Variants in TUT7 observed in about 807,000 individuals in gnomAD.
TUT7 encodes terminal uridylyl transferase 7, also known as terminal uridylyltransferase 7.
TUT7 carries 33 observed loss-of-function variants against 165.9 expected under a neutral mutation model. The observed-to-expected ratio is 0.20, with a 90% CI of 0.15 to 0.27. The LOEUF is 0.27. TUT7 is among the 10% of genes least tolerant of loss of function. TUT7 has a pLI of 1.00. For missense variants in TUT7, 1,338 were observed against 1,762.3 expected, an observed-to-expected ratio of 0.76 and a Z score of 4.31; for synonymous variants, 552 against 608.1, an observed-to-expected ratio of 0.91 and a Z score of 1.36.
intron 26 of TUT7, among the ~76,000 whole-genome samples, chr9:86,297,445 T>C (rs1051825686): frequency 4.6e-5 from 7 of 152,256 alleles, no homozygotes; most frequent in African/African-American, 1.7e-4. Flanking sequence ...AACACTATGC[T>C]ACGTTATTCT....
rs1196076859 is a variant in TUT7 at position 86,301,837 on chromosome 9, C to T, written c.4095-236G>A. The T allele has an allele frequency of 5.1e-6, 5 of 985,286 alleles. No individual in the cohort carries two copies. The East Asian group carries it at 4.5e-4, about 89-fold the overall frequency. The allele number at this position is 985,286 out of a possible 1,614,324, so 61.0% of individuals were successfully genotyped here. Reference sequence around the variant, plus strand: ...TCAAAGTTGCTCTAGTGCTGTAAAACCAATGACTGCAATTAGTGGCACTCC... The same window carrying T: ...TCAAAGTTGCTCTAGTGCTGTAAAATCAATGACTGCAATTAGTGGCACTCC... On this transcript the variant is annotated intron_variant, in intron 25 of 26. Transcript: ENST00000375963.
chr9:86,319,778 A>T (rs963838546), intron 14 of TUT7, 108 bp from the exon 15 acceptor site: 1 of 738,122 alleles, frequency 1.4e-6, no homozygotes, highest in Admixed American at 2.9e-5. Context: ...GCTTAAATTT[A>T]AAAATTCCTA....
intron 26 of TUT7, among the ~76,000 whole-genome samples, chr9:86,297,921 C>CTTTTTTTTTTTTTTTTTTTTTT (rs59651352): frequency 1.2e-5 from 1 of 86,504 alleles, no homozygotes; most frequent in African/African-American, 5.5e-5. Context: ...GCCTGCTCCA[C>CTTTTTTTTTTTTTTTTTTTTTT]TTTTTTTTTT....
In TUT7 at chr9:86,298,042, AAC is replaced by A. The variant is rs1254193515; in HGVS notation, c.4420+3232_4420+3233del. On this transcript the variant is annotated intron_variant, in intron 26 of 26. Transcript: ENST00000375963. ...TTTCCATCTCTGAGTTTACCAGTCT[AAC>A]ACCAATTTCCCCCGACTGGCCCCTT... Among the ~76,000 whole-genome samples, 4 of 151,214 alleles carry A rather than the reference AAC, an allele frequency of 2.6e-5. No homozygotes were observed. The East Asian group carries it at 7.9e-4, about 30-fold the overall frequency.
At chr9:86,307,235 T>C (rs1827593338) in intron 22 of TUT7, among the ~76,000 whole-genome samples, 4 of 151,884 alleles carry the variant, frequency 2.6e-5, no homozygotes, top group East Asian at 1.9e-4. Context: ...GATTGCGCCA[T>C]TGCATTCCAG....
intron 1 of TUT7, among the ~76,000 whole-genome samples, chr9:86,353,477 A>G (rs1160310776): frequency 3.9e-5 from 6 of 152,202 alleles, no homozygotes; most frequent in Non-Finnish European, 7.3e-5. Context: ...AAATGTGTGA[A>G]TAAGAGAAGC....
intron 18 of TUT7, among the ~76,000 whole-genome samples, chr9:86,310,263 T>A (rs1291997232): frequency 2.0e-5 from 3 of 152,110 alleles, no homozygotes; most frequent in Non-Finnish European, 4.4e-5. Flanking sequence ...AGGTTTACAG[T>A]CTGATTCATT....
rs557003455 is a variant in TUT7 at position 86,296,049 on chromosome 9, C to T, written c.4420+5227G>A. ...CTCTACATACTTATGTTAAAAATTT[C>T]CATTATTTGTTTGTCCTATAAGTTA... On this transcript the variant is annotated intron_variant, in intron 26 of 26. Transcript: ENST00000375963. 3.3e-5 allele frequency among the ~76,000 whole-genome samples: 5 copies of T among 152,212 alleles called. No individual in the cohort carries two copies. The South Asian group carries it at 1.0e-3, about 32-fold the overall frequency.
rs762500955 is a variant in TUT7, at chr9:86,338,800, A to G, written c.1335+23T>C. The G allele has an allele frequency of 1.9e-6, 3 of 1,572,842 alleles. No individual in the cohort carries two copies. The South Asian group carries it at 3.6e-5, about 19-fold the overall frequency. On this transcript the variant is annotated intron_variant, in intron 9 of 26. Transcript: ENST00000375963. ...GCTTATACATATGTAGAATGTATTC[A>G]TGCATAAAGACCTCAAGCCTACCTT...
Position 86,301,565 on chromosome 9 carries a change from G to A in TUT7, c.4131C>T (p.Asn1377=), listed in dbSNP as rs764954725. The A allele has an allele frequency of 6.2e-7, 1 of 1,613,048 alleles. No homozygotes were observed. The highest frequency in any genetic ancestry group is 8.5e-7 in the Non-Finnish European group (1 of 1,179,848). The part of the protein sequence containing the change: ...RRRRDQEDAL[N]QRYPENKEKR... ...TTTCCTTGTTCTCAGGGTATCTTTGGTTCAGGGCATCTTCCTGATCTCGCC... is the reference window on the plus strand; with the variant it reads ...TTTCCTTGTTCTCAGGGTATCTTTGATTCAGGGCATCTTCCTGATCTCGCC... The change falls in exon 26 of 27, where the codon AAC becomes AAT. Residue 1377 remains asparagine (N), a synonymous_variant. Coordinates refer to ENST00000375963, the MANE Select transcript of TUT7 (RefSeq NM_024617.4).
intron 4 of TUT7, 125 bp from the exon 5 acceptor site, chr9:86,345,279 T>TA: frequency 1.1e-6 from 1 of 882,834 alleles, no homozygotes; most frequent in Non-Finnish European, 1.7e-6. Context: ...TTAGCTGTGT[T>TA]AGTTTTCATC....
intron 26 of TUT7, among the ~76,000 whole-genome samples, chr9:86,294,484 G>A (rs1175234306): frequency 6.6e-6 from 1 of 151,728 alleles, no homozygotes; most frequent in Non-Finnish European, 1.5e-5. Flanking sequence ...TAATTGAGTG[G>A]CACTATTGTA....
In TUT7 at chr9:86,338,957, G is replaced by C; in HGVS notation, c.1209-8C>G. 6.4e-7 allele frequency: 1 copy of C among 1,568,782 alleles called. No homozygotes were observed. The highest frequency in any genetic ancestry group is 8.7e-7 in the Non-Finnish European group (1 of 1,156,030). Reference sequence around the variant, plus strand: ...ACTTTACACAGAAGACCACTGGTGAGAGGTGGGGGAGGAGGATGGGAAAGA... The same window carrying C: ...ACTTTACACAGAAGACCACTGGTGACAGGTGGGGGAGGAGGATGGGAAAGA... On this transcript the variant is annotated splice_polypyrimidine_tract_variant and splice_region_variant and intron_variant, in intron 8 of 26. Coordinates refer to ENST00000375963, the MANE Select transcript of TUT7 (RefSeq NM_024617.4).
chr9:86,290,686 C>CAAAAAAAAAAAAAAAAAAA (rs749800073), intron 26 of TUT7, among the ~76,000 whole-genome samples: 1 of 54,772 alleles, frequency 1.8e-5, no homozygotes, highest in Non-Finnish European at 3.9e-5. Flanking sequence ...TACTAAAATA[C>CAAAAAAAAAAAAAAAAAAA]AAAAAAAAAA....
Position 86,301,296 on chromosome 9 carries a change from G to A in TUT7, c.4400C>T (p.Pro1467Leu). 6.2e-7 allele frequency: 1 copy of A among 1,613,966 alleles called. No individual in the cohort carries two copies. The highest frequency in any genetic ancestry group is 8.5e-7 in the Non-Finnish European group (1 of 1,179,946). ...GREGHIKKEC[P>L]QFKGSSGSLS... is the part of the protein sequence containing the mutation. ...CATACCTGAAGAGCCTTTAAACTGT[G>A]GGCATTCCTTTTTAATGTGCCCTTC... The change falls in exon 26 of 27, where the codon CCA becomes CTA. Residue 1467 changes from proline to leucine, a missense_variant. Physicochemically the swap from Pro to Leu is moderately conservative, Grantham distance 98 (BLOSUM62 -3). This residue lies in a region of TUT7 where 167 missense variants were observed against 204.9 expected (regional missense o/e 0.82). Transcript: ENST00000375963.
chr9:86,309,602 A>C, intron 19 of TUT7, 26 bp from the exon 20 acceptor site: 1 of 1,549,662 alleles, frequency 6.5e-7, no homozygotes, highest in Non-Finnish European at 8.9e-7. Flanking sequence ...ACCAAGAACA[A>C]AGGAAAGGTC....
chr9:86,332,434 A>G (rs1480625398), intron 10 of TUT7, among the ~76,000 whole-genome samples: 1 of 152,216 alleles, frequency 6.6e-6, no homozygotes, highest in Non-Finnish European at 1.5e-5. Flanking sequence ...AAACTAACGT[A>G]GGAACAGAAA....
intron 10 of TUT7, among the ~76,000 whole-genome samples, chr9:86,336,648 T>C (rs1830806445): frequency 6.6e-6 from 1 of 152,198 alleles, no homozygotes; most frequent in African/African-American, 2.4e-5. Context: ...GTAGTTACAA[T>C]AGCCAATGTG....
intron 26 of TUT7, among the ~76,000 whole-genome samples, chr9:86,299,128 A>G (rs1683918061): frequency 6.6e-6 from 1 of 152,174 alleles, no homozygotes; most frequent in Admixed American, 6.5e-5. Context: ...CAGAGCTGAG[A>G]GCACTCAGGG....
Sources: gnomAD v4.1 joint callset for allele counts (sites outside exome capture counted in the v4.1 genomes callset) on GRCh38, gnomAD v4.1.1 for gene constraint, gnomAD v4.1.1 regional missense constraint, MANE v1.5 for transcripts, NCBI Gene and HGNC (gene_info 2026-07-23, HGNC 2026-07-21) for gene names.